The following GGNBP2 variants were observed in gnomAD, a reference collection of about 807,000 sequenced individuals.
GGNBP2 encodes the protein gametogenetin-binding protein 2.
Under a neutral mutation model 85.9 loss-of-function variants are expected in GGNBP2, and 10 were observed. That is an observed-to-expected ratio of 0.12 (90% CI 0.07 to 0.20). The LOEUF (loss-of-function observed/expected upper bound fraction) is 0.20. Among genes scored for constraint, GGNBP2 ranks in the 10% least tolerant of loss-of-function variants. GGNBP2 has a pLI of 1.00. For synonymous variants in GGNBP2, 287 were observed against 285.7 expected (o/e 1.00, Z -0.05); for missense variants, 595 against 857.8 (o/e 0.69, Z 3.83).
At chr17:36,562,070 T>A (rs1309608692) in intron 5 of GGNBP2, among the ~76,000 whole-genome samples, 1 of 152,234 alleles carries the variant, frequency 6.6e-6, no homozygotes, top group Non-Finnish European at 1.5e-5. Flanking sequence ...GTGGGGATAG[T>A]GAGGCGAAGC....
At chr17:36,562,732 C>T (rs750801511) in intron 5 of GGNBP2, among the ~76,000 whole-genome samples, 47 of 151,052 alleles carry the variant, frequency 3.1e-4, no homozygotes, top group African/African-American at 7.0e-4. Flanking sequence ...TTTTGGAGGC[C>T]GAGACGAGCA....
intron 8 of GGNBP2, 49 bp from the exon 9 acceptor site, chr17:36,581,294 AG>A: frequency 7.7e-7 from 1 of 1,290,828 alleles, no homozygotes; most frequent in Non-Finnish European, 1.1e-6. Context: ...CAAAAAAAAA[AG>A]AAAAGAAGTT....
Position 36,589,785 on chromosome 17 carries a change from G to A in GGNBP2, c.*374G>A. The A allele has an allele frequency of 4.8e-6, 1 of 206,440 alleles. No individual in the cohort carries two copies. The highest frequency in any genetic ancestry group is 5.5e-5 in the Admixed American group (1 of 18,248). The allele number at this position is 206,440 out of a possible 1,614,324, so 12.8% of individuals were successfully genotyped here. The stretch of plus-strand genomic sequence containing the variant: ...ACATCCACTTGCAAAATGTTTGGAT[G>A]TAATGTTAAAGCGCAATGTGCAAAA... On this transcript the variant is annotated 3_prime_UTR_variant, in exon 14 of 14. Coordinates refer to ENST00000613102, the MANE Select transcript of GGNBP2 (RefSeq NM_024835.5).
chr17:36,586,635 T>C (rs1567836408), intron 12 of GGNBP2: 3 of 250,390 alleles, frequency 1.2e-5, no homozygotes, highest in Non-Finnish European at 2.3e-5. Context: ...CAGGATTTTT[T>C]TGAGATGGAG....
At chr17:36,585,765 C>A in intron 10 of GGNBP2, 75 bp from the exon 11 acceptor site, 1 of 1,279,388 alleles carries the variant, frequency 7.8e-7, no homozygotes, top group South Asian at 1.4e-5. Flanking sequence ...TTTCTGTGGT[C>A]CCCAAAGAGT....
At chr17:36,567,333 G>A (rs1285210396) in intron 5 of GGNBP2, among the ~76,000 whole-genome samples, 10 of 152,096 alleles carry the variant, frequency 6.6e-5, no homozygotes, top group Non-Finnish European at 8.8e-5. Context: ...CATATAATTT[G>A]TAAACATGTT....
chr17:36,575,639 TA>T lies in GGNBP2; in HGVS notation c.642-2343del, dbSNP rs1421222868. 5.0e-3 allele frequency among the ~76,000 whole-genome samples: 319 copies of T among 63,300 alleles called. 5 individuals carry two copies. The highest frequency in any genetic ancestry group is 0.015 in the East Asian group (28 of 1,922). The allele number at this position is 63,300 out of a possible 152,430, so 41.5% of individuals were successfully genotyped here. On this transcript the variant is annotated intron_variant, in intron 6 of 13. Coordinates refer to ENST00000613102, the MANE Select transcript of GGNBP2 (RefSeq NM_024835.5). ...ATATATATATATATATATATATATA[TA>T]TATATATATTTTTTTTTTTTTTTGA...
At chr17:36,555,245 T>A (rs572026805) in intron 3 of GGNBP2, among the ~76,000 whole-genome samples, 1 of 152,344 alleles carries the variant, frequency 6.6e-6, no homozygotes, top group African/African-American at 2.4e-5. Context: ...GACAAAGTAA[T>A]CCTATATTAT....
At chr17:36,557,058 C>G (rs369517510) in intron 3 of GGNBP2, 25 bp from the exon 4 acceptor site, 84 of 1,612,878 alleles carry the variant, frequency 5.2e-5, no homozygotes, top group Middle Eastern at 1.6e-4. Context: ...AAAGGACACT[C>G]TTTCATTTTC....
rs764526951 is a variant in GGNBP2 at position 36,579,433 on chromosome 17, G to A, written c.1020+14G>A. ...AAGAGTTTTGAGGTAAGAACAGTGGGCTGTTCCAGTATCTCAGATTGCTTA... is the reference window on the plus strand; with the variant it reads ...AAGAGTTTTGAGGTAAGAACAGTGGACTGTTCCAGTATCTCAGATTGCTTA... On this transcript the variant is annotated intron_variant, in intron 8 of 13. Coordinates refer to ENST00000613102, the MANE Select transcript of GGNBP2 (RefSeq NM_024835.5). 3 of 1,609,544 alleles carry A rather than the reference G, an allele frequency of 1.9e-6. No individual in the cohort carries two copies. Among genetic ancestry groups the A allele is most frequent in the Non-Finnish European group, 1.7e-6 (2 of 1,176,014 alleles).
chr17:36,586,963 T>A, intron 12 of GGNBP2, 34 bp from the exon 13 acceptor site: 1 of 1,596,926 alleles, frequency 6.3e-7, no homozygotes, highest in Non-Finnish European at 8.6e-7. Flanking sequence ...ATATCATGCC[T>A]TTTTACCTGT....
intron 3 of GGNBP2, among the ~76,000 whole-genome samples, 160 bp from the exon 4 acceptor site, chr17:36,556,923 A>G (rs1325356440): frequency 6.6e-6 from 1 of 152,038 alleles, no homozygotes; most frequent in East Asian, 1.9e-4. Context: ...TACAGCATGG[A>G]CAAAGCTGAC....
chr17:36,547,191 C>G (rs2074263482), intron 2 of GGNBP2: 1 of 152,148 alleles, frequency 6.6e-6, no homozygotes, highest in South Asian at 2.1e-4. Flanking sequence ...ATAGTTGAAA[C>G]TAGCACTGTG....
At position 36,580,741 on chromosome 17, in the gene GGNBP2, G is replaced by A. The variant is rs1313233314; in HGVS notation, c.1021-603G>A. ...TCGAGACCAACCTGGCCATGATGGCGAAACCCTGTCTCTACTAAATATACA... is the reference window on the plus strand; with the variant it reads ...TCGAGACCAACCTGGCCATGATGGCAAAACCCTGTCTCTACTAAATATACA... On this transcript the variant is annotated intron_variant, in intron 8 of 13. Transcript: ENST00000613102. Among the ~76,000 whole-genome samples the A allele has an allele frequency of 5.9e-5, 9 of 151,600 alleles. No homozygotes were observed. The South Asian group carries it at 1.5e-3, about 25-fold the overall frequency.
At chr17:36,585,779 C>T (rs2074694667) in intron 10 of GGNBP2, 61 bp from the exon 11 acceptor site, 1 of 1,464,440 alleles carries the variant, frequency 6.8e-7, no homozygotes, top group Non-Finnish European at 9.4e-7. Flanking sequence ...AAAGAGTTCA[C>T]TCTTTGTCCT....
chr17:36,587,081 A>G lies in GGNBP2; in HGVS notation c.1726A>G (p.Lys576Glu). 1 of 1,614,154 alleles carries G rather than the reference A, an allele frequency of 6.2e-7. No individual in the cohort carries two copies. Among genetic ancestry groups the G allele is most frequent in the East Asian group, 2.2e-5 (1 of 44,886 alleles). ...NTMHTVFHRDKTKDTHPESCC... is the reference protein window; with the variant it reads ...NTMHTVFHRDETKDTHPESCC... The stretch of plus-strand genomic sequence containing the variant: ...CATGCACACAGTGTTTCACCGTGAC[A>G]AGACCAAAGATACACATCCTGAAAG... Residue 576 changes from lysine to glutamate, a missense_variant, in exon 13 of 14, where the codon AAG becomes GAG. By Grantham distance (56) the Lys-to-Glu change is moderately conservative (BLOSUM62 1). Coordinates refer to ENST00000613102, the MANE Select transcript of GGNBP2 (RefSeq NM_024835.5).
Position 36,572,564 on chromosome 17 carries a change from C to G in GGNBP2, c.641+4788C>G, listed in dbSNP as rs144490995. Reference sequence around the variant, plus strand: ...ATTAGCCATGCGTGGTGGCACACACCTGTAGTCCCAGGTACTCAGGTGGAT... The same window carrying G: ...ATTAGCCATGCGTGGTGGCACACACGTGTAGTCCCAGGTACTCAGGTGGAT... On this transcript the variant is annotated intron_variant, in intron 6 of 13. Coordinates refer to ENST00000613102, the MANE Select transcript of GGNBP2 (RefSeq NM_024835.5). Among the ~76,000 whole-genome samples the G allele has an allele frequency of 5.2e-3, 785 of 152,208 alleles. 13 individuals are homozygous for G. Among genetic ancestry groups the G allele is most frequent in the East Asian group, 0.026 (134 of 5,172 alleles).
intron 6 of GGNBP2, chr17:36,576,767 G>A (rs2074595811): frequency 6.6e-6 from 1 of 150,824 alleles, no homozygotes; most frequent in South Asian, 2.1e-4. Context: ...AATACTAGTT[G>A]GCTCTACTCA....
intron 5 of GGNBP2, among the ~76,000 whole-genome samples, chr17:36,564,593 G>C (rs958251120): frequency 1.3e-5 from 2 of 152,198 alleles, no homozygotes; most frequent in East Asian, 3.8e-4. Flanking sequence ...AGTGGTGTCT[G>C]TCTCTTGATT....
Sources: allele counts gnomAD v4.1 joint callset (sites outside exome capture counted in the v4.1 genomes callset), GRCh38; gene constraint gnomAD v4.1.1; transcripts MANE v1.5; gene names NCBI Gene and HGNC (gene_info 2026-07-23, HGNC 2026-07-21).